IMMP2L: variants seen among roughly 807,000 people sequenced by gnomAD.
The protein encoded by IMMP2L is mitochondrial inner membrane protease subunit 2.
A neutral mutation model predicts 19.3 loss-of-function variants in IMMP2L; 18 were observed. That is an observed-to-expected ratio of 0.93 (90% CI 0.64 to 1.38). The LOEUF (loss-of-function observed/expected upper bound fraction) is 1.38. IMMP2L is among the 40% of genes most tolerant of loss of function. The pLI, the probability that IMMP2L is intolerant of heterozygous loss-of-function variation, is 0.00. For missense variants in IMMP2L, 233 were observed against 218.2 expected (o/e 1.07, Z -0.43); for synonymous variants, 76 against 73.0 (o/e 1.04, Z -0.21).
intron 3 of IMMP2L, among the ~76,000 whole-genome samples, chr7:111,151,776 T>C (rs1023802182): frequency 6.6e-6 from 1 of 152,026 alleles, no homozygotes; most frequent in African/African-American, 2.4e-5. Context: ...CCATCTCTAC[T>C]AAAAGCACAA....
At chr7:111,308,172 A>G (rs1234358213) in intron 3 of IMMP2L, among the ~76,000 whole-genome samples, 1 of 151,982 alleles carries the variant, frequency 6.6e-6, no homozygotes. Context: ...AAGTAAATAT[A>G]ATGTCTACAC....
intron 3 of IMMP2L, among the ~76,000 whole-genome samples, chr7:111,476,271 G>T (rs766278255): frequency 6.6e-6 from 1 of 152,066 alleles, no homozygotes; most frequent in Non-Finnish European, 1.5e-5. Context: ...GCAAATAGAG[G>T]CTTTCAGATT....
intron 3 of IMMP2L, among the ~76,000 whole-genome samples, chr7:111,063,993 G>T (rs528697463): frequency 1.8e-4 from 28 of 152,114 alleles, no homozygotes; most frequent in Admixed American, 5.2e-4. Context: ...ATATTTTCTA[G>T]TATCTTTTCA....
chr7:111,478,906 G>A (rs1471938429), intron 3 of IMMP2L, among the ~76,000 whole-genome samples: 1 of 152,170 alleles, frequency 6.6e-6, no homozygotes, highest in Admixed American at 6.5e-5. Context: ...TCTGCATGAT[G>A]TCTCTTGCTT....
chr7:110,700,130 G>A (rs2130626206), intron 5 of IMMP2L, among the ~76,000 whole-genome samples: 1 of 152,274 alleles, frequency 6.6e-6, no homozygotes, highest in East Asian at 1.9e-4. Flanking sequence ...AGTCAGCCAT[G>A]ATTCCTGACC....
chr7:110,902,605 T>C (rs963717192), intron 4 of IMMP2L, among the ~76,000 whole-genome samples: 1 of 151,328 alleles, frequency 6.6e-6, no homozygotes, highest in Non-Finnish European at 1.5e-5. Flanking sequence ...GGATGGACCG[T>C]AGAGAGACTT....
intron 2 of IMMP2L, among the ~76,000 whole-genome samples, chr7:111,518,120 A>C (rs1456658196): frequency 6.6e-6 from 1 of 152,088 alleles, no homozygotes; most frequent in Non-Finnish European, 1.5e-5. Flanking sequence ...CAAATACTTA[A>C]TGAATTGCAA....
chr7:111,273,551 T>G (rs914371473), intron 3 of IMMP2L, among the ~76,000 whole-genome samples: 1 of 152,132 alleles, frequency 6.6e-6, no homozygotes, highest in African/African-American at 2.4e-5. Context: ...GGGGTCATCA[T>G]GAACAAAGCA....
chr7:110,718,769 A>G (rs1795385782), intron 5 of IMMP2L, among the ~76,000 whole-genome samples: 1 of 152,188 alleles, frequency 6.6e-6, no homozygotes, highest in Admixed American at 6.5e-5. Context: ...TGTGGTTCCA[A>G]ACTGAGGTGG....
intron 3 of IMMP2L, among the ~76,000 whole-genome samples, chr7:110,969,128 TAA>T (rs1384283541): frequency 6.6e-6 from 1 of 152,114 alleles, no homozygotes; most frequent in Admixed American, 6.6e-5. Context: ...AGGTTTATTT[TAA>T]ATTAGATAGG....
intron 3 of IMMP2L, among the ~76,000 whole-genome samples, chr7:111,106,045 T>C (rs1260418411): frequency 6.6e-6 from 1 of 151,970 alleles, no homozygotes; most frequent in Non-Finnish European, 1.5e-5. Context: ...AGAAACATAT[T>C]TGTAATATCA....
chr7:111,409,563 GT>G (rs1003099280), intron 3 of IMMP2L, among the ~76,000 whole-genome samples: 1 of 151,224 alleles, frequency 6.6e-6, no homozygotes, highest in Non-Finnish European at 1.5e-5. Flanking sequence ...AAACCTGAGA[GT>G]TTTTTTTAAG....
intron 1 of IMMP2L, among the ~76,000 whole-genome samples, chr7:111,546,487 G>A (rs1848944263): frequency 6.6e-6 from 1 of 152,030 alleles, no homozygotes; most frequent in African/African-American, 2.4e-5. Context: ...TTCCCATTGA[G>A]TTGTTCGTGC....
At chr7:111,365,086 C>A (rs1441925916) in intron 3 of IMMP2L, among the ~76,000 whole-genome samples, 2 of 151,902 alleles carry the variant, frequency 1.3e-5, no homozygotes, top group Non-Finnish European at 1.5e-5. Context: ...CAGGAAATAC[C>A]TTAAGAAATA....
At chr7:111,003,029 T>A (rs62464038) in intron 3 of IMMP2L, among the ~76,000 whole-genome samples, 2 of 152,080 alleles carry the variant, frequency 1.3e-5, no homozygotes, top group African/African-American at 4.8e-5. Flanking sequence ...CTAGTTGACA[T>A]AGATATTGTC....
chr7:110,834,946 C>T lies in IMMP2L; in HGVS notation c.408+51647G>A, dbSNP rs144623035. 5.0e-3 allele frequency among the ~76,000 whole-genome samples: 754 copies of T among 152,214 alleles called. 9 individuals carry two copies. The highest frequency in any genetic ancestry group is 0.017 in the African/African-American group (710 of 41,548). On this transcript the variant is annotated intron_variant, in intron 5 of 5. Coordinates refer to ENST00000405709, the MANE Select transcript of IMMP2L (RefSeq NM_032549.4). The stretch of plus-strand genomic sequence containing the variant: ...GGCCTGCCATGTAACCAATCACCCT[C>T]AGAAGAATGGATGCCAGGTAAACAC...
chr7:110,836,090 G>A (rs181229908), intron 5 of IMMP2L, among the ~76,000 whole-genome samples: 459 of 152,250 alleles, frequency 3.0e-3, no homozygotes, highest in Admixed American at 5.8e-3. Context: ...CATAAATTGG[G>A]AGTGGAGGGG....
intron 3 of IMMP2L, among the ~76,000 whole-genome samples, chr7:111,368,666 T>C (rs917285552): frequency 3.3e-5 from 5 of 152,106 alleles, no homozygotes; most frequent in African/African-American, 1.2e-4. Flanking sequence ...ACTCCTTTTT[T>C]GCTTTTAAGT....
At chr7:110,705,143 T>A (rs567130162) in intron 5 of IMMP2L, among the ~76,000 whole-genome samples, 7 of 152,248 alleles carry the variant, frequency 4.6e-5, no homozygotes, top group African/African-American at 1.4e-4. Flanking sequence ...TTACAGCTAC[T>A]AAGAAGAGAG....
Sources: gnomAD v4.1 joint callset for allele counts (sites outside exome capture counted in the v4.1 genomes callset) on GRCh38, gnomAD v4.1.1 for gene constraint, MANE v1.5 for transcripts, NCBI Gene and HGNC (gene_info 2026-07-23, HGNC 2026-07-21) for gene names.